NKX2-2: variants seen among roughly 807,000 people sequenced by gnomAD.
The protein encoded by NKX2-2 is NK2 homeobox 2.
A neutral mutation model predicts 24.6 loss-of-function variants in NKX2-2; 8 were observed. That is an observed-to-expected ratio of 0.32 (90% CI 0.19 to 0.59). The LOEUF (loss-of-function observed/expected upper bound fraction) is 0.59. Ranked by LOEUF, NKX2-2 falls within the 20% of genes least tolerant of loss-of-function variation. The pLI is 0.86. For missense variants in NKX2-2, 381 were observed against 373.9 expected, an observed-to-expected ratio of 1.02 and a Z score of -0.16; for synonymous variants, 217 against 173.3, an observed-to-expected ratio of 1.25 and a Z score of -1.98.
At chr20:21,514,671 G>A (rs534419868), upstream of NKX2-2, among the ~76,000 whole-genome samples, 60 of 152,266 alleles carry the variant, frequency 3.9e-4, no homozygotes, top group Non-Finnish European at 8.1e-4. Flanking sequence ...GGGGGCGAAG[G>A]CCGAGCTGCG....
In NKX2-2 at chr20:21,513,492, G is replaced by T; in HGVS notation, c.178C>A (p.Pro60Thr). 6.2e-7 allele frequency: 1 copy of T among 1,611,856 alleles called. No individual in the cohort carries two copies. The highest frequency in any genetic ancestry group is 1.1e-5 in the South Asian group (1 of 90,570). ...QGALDAVQSL[P>T]LKNPFYDSSD... ...CTGTCGTAGAAGGGGTTCTTCAGGGGCAGGCTCTGCACCGCGTCCAGGGCG... is the reference window on the plus strand; with the variant it reads ...CTGTCGTAGAAGGGGTTCTTCAGGGTCAGGCTCTGCACCGCGTCCAGGGCG... The change falls in exon 1 of 2, where the codon CCC becomes ACC. Residue 60 changes from proline to threonine, a missense_variant. Coordinates refer to ENST00000377142, the MANE Select transcript of NKX2-2 (RefSeq NM_002509.4). The surrounding 1 kb of genome is among the most constrained non-coding windows in gnomAD (Gnocchi z 4.6).
In NKX2-2 at chr20:21,512,348, C is replaced by T; in HGVS notation, c.397G>A (p.Val133Met). 1 of 1,611,892 alleles carries T rather than the reference C, an allele frequency of 6.2e-7. No individual in the cohort carries two copies. Among genetic ancestry groups the T allele is most frequent in the Non-Finnish European group, 8.5e-7 (1 of 1,179,280 alleles). The change falls in exon 2 of 2, where the codon GTG becomes ATG. Residue 133 changes from valine (V) to methionine (M), a missense_variant. Around this residue, in one of 3 missense-constraint regions of NKX2-2, gnomAD observed 36 missense variants for 79.2 expected, o/e 0.45. Coordinates refer to ENST00000377142, the MANE Select transcript of NKX2-2 (RefSeq NM_002509.4). ...TAGGTCTGCGCCTTGGAGAAAAGCA[C>T]TCGCCGCTTTCGCTTCTTGCCGGCG... is the stretch of plus-strand genomic sequence containing the variant. ...GDAGKKRKRR[V>M]LFSKAQTYEL...
chr20:21,519,289 T>A, the NKX2-2 span, among the ~76,000 whole-genome samples: 1 of 152,212 alleles, frequency 6.6e-6, no homozygotes, highest in Non-Finnish European at 1.5e-5. Flanking sequence ...CCCTCGCACA[T>A]CCCATCTCAG....
chr20:21,519,187 G>C, the NKX2-2 span, among the ~76,000 whole-genome samples: 2 of 152,330 alleles, frequency 1.3e-5, no homozygotes, highest in Non-Finnish European at 2.9e-5. Flanking sequence ...TAATTTGTTT[G>C]ACTTCATTTC....
the NKX2-2 span, among the ~76,000 whole-genome samples, chr20:21,520,679 C>T: frequency 6.6e-6 from 1 of 152,074 alleles, no homozygotes; most frequent in Admixed American, 6.5e-5. Flanking sequence ...CCAAACGAGC[C>T]TGTCCCAGCC....
chr20:21,515,677 G>C (rs964888039), upstream of NKX2-2, among the ~76,000 whole-genome samples: 86 of 152,050 alleles, frequency 5.7e-4, no homozygotes, highest in Non-Finnish European at 1.1e-3. Flanking sequence ...GCTTTGTCTG[G>C]GGGCGGGGAG....
chr20:21,518,692 C>G (rs752673988), upstream of NKX2-2, among the ~76,000 whole-genome samples: 1 of 152,242 alleles, frequency 6.6e-6, no homozygotes, highest in Non-Finnish European at 1.5e-5. Context: ...CCAGAGGCAC[C>G]CTGCTTTCCC....
Position 21,513,546 on chromosome 20 carries a change from C to T in NKX2-2, c.124G>A (p.Ala42Thr), listed in dbSNP as rs8192562. The T allele has an allele frequency of 0.068, 110,094 of 1,613,294 alleles. 4,342 individuals are homozygous for T. The highest frequency in any genetic ancestry group is 0.08 in the Non-Finnish European group (94,620 of 1,179,646). ...PEEENEGPEP[A>T]KRAGPLGQGA... Reference sequence around the variant, plus strand: ...TGCCCCAGCGGCCCGGCCCTCTTGGCTGGCTCGGGCCCCTCGTTCTCTTCC... The same window carrying T: ...TGCCCCAGCGGCCCGGCCCTCTTGGTTGGCTCGGGCCCCTCGTTCTCTTCC... Residue 42 changes from alanine to threonine, a missense_variant, in exon 1 of 2, where the codon GCC (alanine) becomes ACC (threonine). Physicochemically the swap from Ala to Thr is moderately conservative, Grantham distance 58. Around this residue, in one of 3 missense-constraint regions of NKX2-2, gnomAD observed 206 missense variants for 173.1 expected, o/e 1.19. Transcript: ENST00000377142. The surrounding 1 kb of genome is among the most constrained non-coding windows in gnomAD (Gnocchi z 4.6).
chr20:21,511,891 G>A lies in NKX2-2; in HGVS notation c.*32C>T. 1.3e-6 allele frequency: 2 copies of A among 1,539,450 alleles called. No individual in the cohort carries two copies. Among genetic ancestry groups the A allele is most frequent in the African/African-American group, 2.7e-5 (2 of 73,450 alleles). On this transcript the variant is annotated 3_prime_UTR_variant, in exon 2 of 2. Coordinates refer to ENST00000377142, the MANE Select transcript of NKX2-2 (RefSeq NM_002509.4). ...CCACCGCCGCCGGGGTGGGGCCTGG[G>A]CCTGGGGCCGCGAGTCTCGTTGGGG...
chr20:21,515,907 C>T (rs1332231509), upstream of NKX2-2, among the ~76,000 whole-genome samples: 1 of 152,202 alleles, frequency 6.6e-6, no homozygotes, highest in African/African-American at 2.4e-5. Flanking sequence ...GCCTCGCCCC[C>T]AGTATGTGAC....
At chr20:21,519,995 C>T in the NKX2-2 span, among the ~76,000 whole-genome samples, 4 of 152,014 alleles carry the variant, frequency 2.6e-5, no homozygotes, top group East Asian at 7.7e-4. Flanking sequence ...GGGTTCAAGC[C>T]TAAGGTGAGT....
At chr20:21,514,894 C>G (rs1980581212), upstream of NKX2-2, among the ~76,000 whole-genome samples, 1 of 152,260 alleles carries the variant, frequency 6.6e-6, no homozygotes, top group Admixed American at 6.5e-5. Flanking sequence ...GAGCCACCAC[C>G]AAGCGACCCG....
upstream of NKX2-2, among the ~76,000 whole-genome samples, chr20:21,517,185 C>G (rs1048229948): frequency 6.6e-6 from 1 of 152,190 alleles, no homozygotes; most frequent in African/African-American, 2.4e-5. Flanking sequence ...CCAGCCGAAT[C>G]CTTCTGGGTC....
chr20:21,517,513 GCGCTGGGAGAC>G (rs1465848839), upstream of NKX2-2, among the ~76,000 whole-genome samples: 5 of 152,218 alleles, frequency 3.3e-5, no homozygotes, highest in African/African-American at 1.2e-4. Flanking sequence ...AATTGAAAAG[GCGCTGGGAGAC>G]CGCTGGGAGG....
At chr20:21,512,529 C>A (rs1408992960) in intron 1 of NKX2-2, 44 bp from the exon 2 acceptor site, 2 of 1,400,256 alleles carry the variant, frequency 1.4e-6, no homozygotes, top group Non-Finnish European at 9.6e-7. Context: ...GTCTGGAGGC[C>A]GCGCGCAGCC....
upstream of NKX2-2, among the ~76,000 whole-genome samples, chr20:21,514,211 A>T (rs1260250729): frequency 6.6e-6 from 1 of 151,966 alleles, no homozygotes; most frequent in African/African-American, 2.4e-5. Flanking sequence ...GGGTGGAAAA[A>T]AGGGGGAAGA....
At chr20:21,521,689 C>T in the NKX2-2 span, among the ~76,000 whole-genome samples, 2 of 152,192 alleles carry the variant, frequency 1.3e-5, no homozygotes, top group Non-Finnish European at 2.9e-5. Flanking sequence ...GCACAGGGGG[C>T]GACTTACCCG....
At chr20:21,519,682 CCCCAGGAG>C in the NKX2-2 span, among the ~76,000 whole-genome samples, 1 of 152,202 alleles carries the variant, frequency 6.6e-6, no homozygotes, top group African/African-American at 2.4e-5. Context: ...GGGGAATGCA[CCCCAGGAG>C]TACTACCCCG....
the NKX2-2 span, among the ~76,000 whole-genome samples, chr20:21,522,512 C>T: frequency 3.4e-3 from 520 of 152,206 alleles, 4 homozygotes; most frequent in African/African-American, 0.012. Flanking sequence ...CCGGGTGCCC[C>T]GCGCCATCCC....
Sources: gnomAD v4.1 joint callset for allele counts (sites outside exome capture counted in the v4.1 genomes callset) on GRCh38, gnomAD v4.1.1 for gene constraint, gnomAD v4.1.1 regional missense constraint, Gnocchi (gnomAD v3.1) non-coding constraint, MANE v1.5 for transcripts, NCBI Gene and HGNC (gene_info 2026-07-23, HGNC 2026-07-21) for gene names.